Variants in KLHL10 observed in about 807,000 individuals in gnomAD.
KLHL10 encodes kelch-like protein 10.
Under a neutral mutation model 46.6 loss-of-function variants are expected in KLHL10, and 11 were observed. The observed-to-expected ratio is 0.24, with a 90% CI of 0.15 to 0.39. The LOEUF is 0.39. KLHL10 is among the 10% of genes least tolerant of loss of function. The pLI is 1.00. For missense variants in KLHL10, 475 were observed against 789.8 expected (o/e 0.60, Z 4.78); for synonymous variants, 254 against 279.1 (o/e 0.91, Z 0.90).
Position 41,842,153 on chromosome 17 carries a change from G to A in KLHL10, c.525G>A (p.Ser175=), listed in dbSNP as rs929428278. The change falls in exon 2 of 5, where the codon TCG becomes TCA. Residue 175 remains serine, a synonymous_variant. Coordinates refer to ENST00000293303, the MANE Select transcript of KLHL10 (RefSeq NM_152467.5). ...ACTTTGAGGAGATGGTGAAAGTCTC[G>A]GCAGAATTTTTAGAGCTCTCGGTCA... ...LHNFEEMVKV[S]AEFLELSVTE... is the part of the protein sequence containing the mutation. 32 of 1,614,084 alleles carry A rather than the reference G, an allele frequency of 2.0e-5. No individual in the cohort carries two copies. Among genetic ancestry groups the A allele is most frequent in the Non-Finnish European group, 2.5e-5 (29 of 1,180,030 alleles).
chr17:41,836,230 G>A (rs1054747418), upstream of KLHL10: 8 of 1,173,748 alleles, frequency 6.8e-6, no homozygotes, highest in Non-Finnish European at 8.4e-6. Context: ...GCGGGACAAC[G>A]ACAGCCCCGC....
rs782307207 is a variant in KLHL10 at position 41,837,992 on chromosome 17, G to A, written c.60G>A (p.Lys20=). Residue 20 remains lysine (K), a synonymous_variant, in exon 1 of 5, where the codon AAG becomes AAA. Transcript: ENST00000293303. ...TRFHQPHMER[K]MSAMACEIFN... is the part of the protein sequence containing the mutation. ...TCCACCAGCCTCACATGGAGAGGAA[G>A]ATGAGTGCGATGGCCTGTGAGATCT... The A allele has an allele frequency of 4.3e-6, 7 of 1,613,708 alleles. No homozygotes were observed. The South Asian group carries it at 7.7e-5, about 18-fold the overall frequency.
At position 41,845,434 on chromosome 17, in the gene KLHL10, C is replaced by T. The variant is rs1243434783; in HGVS notation, c.993C>T (p.Tyr331=). The change falls in exon 3 of 5, where the codon TAC becomes TAT. Residue 331 remains tyrosine (Y), a synonymous_variant. Coordinates refer to ENST00000293303, the MANE Select transcript of KLHL10 (RefSeq NM_152467.5). ...VTCEEESPRA[Y]HGAAYLKGYV... is the part of the protein sequence containing the mutation. ...GTGAGGAAGAGAGTCCCCGTGCCTA[C>T]CATGGGGCAGCCTATTTGAAAGGCT... is the stretch of plus-strand genomic sequence containing the variant. The T allele has an allele frequency of 1.2e-6, 2 of 1,614,164 alleles. No homozygotes were observed. Among genetic ancestry groups the T allele is most frequent in the Admixed American group, 1.7e-5 (1 of 60,016 alleles).
intron 1 of KLHL10, among the ~76,000 whole-genome samples, chr17:41,839,902 G>A (rs2048209504): frequency 6.8e-6 from 1 of 146,092 alleles, no homozygotes; most frequent in Non-Finnish European, 1.5e-5. Context: ...TTTTTGAAAT[G>A]GAGTTTTGTT....
intron 1 of KLHL10, among the ~76,000 whole-genome samples, chr17:41,838,472 G>A (rs568176769): frequency 6.6e-6 from 1 of 151,892 alleles, no homozygotes; most frequent in Non-Finnish European, 1.5e-5. Flanking sequence ...ATGTTGCCCA[G>A]GCTGGTCTTG....
upstream of KLHL10, chr17:41,836,542 G>GC (rs1555620105): frequency 1.2e-6 from 1 of 820,862 alleles, no homozygotes; most frequent in Admixed American, 6.2e-5. Flanking sequence ...CATGACTGGG[G>GC]CTGGGCGCGG....
intron 1 of KLHL10, among the ~76,000 whole-genome samples, chr17:41,841,496 G>C (rs544024325): frequency 6.6e-6 from 1 of 152,250 alleles, no homozygotes; most frequent in African/African-American, 2.4e-5. Context: ...TGTATTTTTA[G>C]TAGAGACGGG....
chr17:41,847,794 T>G, intron 4 of KLHL10, 139 bp from the exon 5 acceptor site: 1 of 1,177,728 alleles, frequency 8.5e-7, no homozygotes, highest in East Asian at 2.4e-5. Flanking sequence ...CGTGAGCCAC[T>G]GCACCCGGCT....
chr17:41,847,232 T>C, intron 3 of KLHL10, 29 bp from the exon 4 acceptor site: 1 of 1,611,644 alleles, frequency 6.2e-7, no homozygotes, highest in African/African-American at 1.3e-5. Flanking sequence ...AGAGTGGGAA[T>C]TTTAATAATC....
intron 4 of KLHL10, 79 bp from the exon 5 acceptor site, chr17:41,847,854 C>A: frequency 6.3e-7 from 1 of 1,576,480 alleles, no homozygotes; most frequent in East Asian, 2.2e-5. Context: ...TATGAGATCA[C>A]TGGTACCCCC....
In KLHL10 at chr17:41,845,273, G is replaced by A; in HGVS notation, c.832G>A (p.Asp278Asn). The change falls in exon 3 of 5, where the codon GAT (aspartate) becomes AAT (asparagine). Residue 278 changes from aspartate (D) to asparagine (N), a missense_variant. Coordinates refer to ENST00000293303, the MANE Select transcript of KLHL10 (RefSeq NM_152467.5). ...CAACATGAATGGACCCTCTAATTCT[G>A]ATTTCACCAACCCACTCACCAGACC... ...DLNMNGPSNS[D>N]FTNPLTRPRL... 1.9e-6 allele frequency: 3 copies of A among 1,614,190 alleles called. No homozygotes were observed. Among genetic ancestry groups the A allele is most frequent in the Non-Finnish European group, 2.5e-6 (3 of 1,180,042 alleles).
At chr17:41,839,085 A>G (rs1257965610) in intron 1 of KLHL10, among the ~76,000 whole-genome samples, 1 of 152,050 alleles carries the variant, frequency 6.6e-6, no homozygotes, top group Non-Finnish European at 1.5e-5. Flanking sequence ...GCTGCCTCCC[A>G]GGCTCAAGCG....
chr17:41,841,732 C>T (rs782389038), intron 1 of KLHL10, 91 bp from the exon 2 acceptor site: 3 of 1,485,502 alleles, frequency 2.0e-6, no homozygotes, highest in East Asian at 4.5e-5. Flanking sequence ...ATAGCACATG[C>T]CTGCACCCCA....
At chr17:41,847,883 G>C (rs1337862173) in intron 4 of KLHL10, 50 bp from the exon 5 acceptor site, 2 of 1,611,852 alleles carry the variant, frequency 1.2e-6, no homozygotes, top group Non-Finnish European at 1.7e-6. Flanking sequence ...CTTCCTCAGT[G>C]AACAGAATCA....
At chr17:41,846,283 C>G (rs1458015664) in intron 3 of KLHL10, among the ~76,000 whole-genome samples, 2 of 151,414 alleles carry the variant, frequency 1.3e-5, no homozygotes, top group Admixed American at 1.3e-4. Context: ...AGCACTTTGG[C>G]AAGCCGAGGC....
chr17:41,840,660 T>A (rs1407016873), intron 1 of KLHL10, among the ~76,000 whole-genome samples: 2 of 138,478 alleles, frequency 1.4e-5, no homozygotes, highest in African/African-American at 5.3e-5. Flanking sequence ...AAAAAAAAGA[T>A]TTTTTCCTCC....
At chr17:41,842,416 A>C in intron 2 of KLHL10, 104 bp downstream of exon 2, 4 of 1,382,954 alleles carry the variant, frequency 2.9e-6, no homozygotes, top group Non-Finnish European at 4.1e-6. Flanking sequence ...CCTTAGATAG[A>C]AGGCATCTAC....
Position 41,845,685 on chromosome 17 carries a change from T to G in KLHL10, c.1244T>G (p.Leu415Arg). ...GAGCCAGAGACCAATCAATGGACAC[T>G]CATCGCCCCCATGCACGAACAGAGG... ...RYEPETNQWT[L>R]IAPMHEQRSD... Residue 415 changes from leucine (L) to arginine (R), a missense_variant, in exon 3 of 5, where the codon CTC becomes CGC. Leu to Arg is a moderately radical substitution (Grantham distance 102). Coordinates refer to ENST00000293303, the MANE Select transcript of KLHL10 (RefSeq NM_152467.5). The G allele has an allele frequency of 2.5e-6, 4 of 1,612,148 alleles. No individual in the cohort carries two copies. Among genetic ancestry groups the G allele is most frequent in the Non-Finnish European group, 3.4e-6 (4 of 1,178,638 alleles).
chr17:41,847,330 A>G lies in KLHL10; in HGVS notation c.1372A>G (p.Asn458Asp), dbSNP rs2048299897. Residue 458 changes from asparagine to aspartate, a missense_variant, in exon 4 of 5, where the codon AAT becomes GAT. Physicochemically the swap from Asn to Asp is conservative, Grantham distance 23. Transcript: ENST00000293303. ...AGCAGAAGTGTATAACACTGAAAGT[A>G]ATCAGTGGACAGTCATAGCACCCAT... Reference protein sequence around the residue: ...FTAEVYNTESNQWTVIAPMRS... With the variant: ...FTAEVYNTESDQWTVIAPMRS... 2.5e-6 allele frequency: 4 copies of G among 1,613,124 alleles called. No individual in the cohort carries two copies. Among genetic ancestry groups the G allele is most frequent in the Non-Finnish European group, 3.4e-6 (4 of 1,179,078 alleles).
Sources: gnomAD v4.1 joint callset for allele counts (sites outside exome capture counted in the v4.1 genomes callset) on GRCh38, gnomAD v4.1.1 for gene constraint, MANE v1.5 for transcripts, NCBI Gene and HGNC (gene_info 2026-07-23, HGNC 2026-07-21) for gene names.